NCR1: variants seen among roughly 807,000 people sequenced by gnomAD.
NCR1 encodes natural cytotoxicity triggering receptor 1.
A neutral mutation model predicts 32.5 loss-of-function variants in NCR1; 30 were observed. The ratio of observed to expected loss-of-function variants is 0.92; its 90% CI spans 0.69 to 1.25. NCR1 has a LOEUF of 1.25. Ranked by LOEUF, NCR1 falls within the 50% of genes most tolerant of loss-of-function variation. The pLI is 0.00. For synonymous variants in NCR1, 169 were observed against 143.4 expected (o/e 1.18, Z -1.28); for missense variants, 369 against 380.7 (o/e 0.97, Z 0.26).
upstream of NCR1, among the ~76,000 whole-genome samples, chr19:54,904,136 AAAAAAAAG>A (rs2067390086): frequency 7.0e-6 from 1 of 141,960 alleles, no homozygotes; most frequent in Non-Finnish European, 1.5e-5. Flanking sequence ...AAAAAAAAAA[AAAAAAAAG>A]AAAGAAAAAG....
the NCR1 span, among the ~76,000 whole-genome samples, chr19:54,899,260 G>C: frequency 6.6e-6 from 1 of 152,138 alleles, no homozygotes; most frequent in Non-Finnish European, 1.5e-5. Context: ...GTTTGTATTG[G>C]GGTCAAGCAG....
chr19:54,910,206 AT>A, intron 5 of NCR1, 141 bp downstream of exon 5: 1 of 766,192 alleles, frequency 1.3e-6, no homozygotes, highest in Non-Finnish European at 2.2e-6. Flanking sequence ...GGAGGCCGAG[AT>A]GGTGCATCAT....
chr19:54,929,028 C>G, the NCR1 span, among the ~76,000 whole-genome samples: 1 of 152,092 alleles, frequency 6.6e-6, no homozygotes, highest in Non-Finnish European at 1.5e-5. Context: ...ATAAAGGTAT[C>G]ACGGTCTGGC....
chr19:54,936,569 C>A, the NCR1 span: 1 of 770,360 alleles, frequency 1.3e-6, no homozygotes, highest in Non-Finnish European at 2.2e-6. Flanking sequence ...TGTCTGTAAC[C>A]CCAGCACTTT....
chr19:54,924,892 G>A, the NCR1 span, among the ~76,000 whole-genome samples: 56 of 152,232 alleles, frequency 3.7e-4, 1 homozygote, highest in Admixed American at 9.2e-4. Context: ...AGCCAATACC[G>A]CACCACTGTA....
At chr19:54,934,642 G>C in the NCR1 span, 1 of 1,613,472 alleles carries the variant, frequency 6.2e-7, no homozygotes, top group East Asian at 2.2e-5. This position sits in a 1 kb window ranked among gnomAD's most constrained non-coding sequence, Gnocchi z 6.7. Flanking sequence ...CTCCGGGGTG[G>C]CACAGTGACC....
At chr19:54,903,432 A>ACGCATACATGTATGTATACG (rs2067356762), upstream of NCR1, among the ~76,000 whole-genome samples, 2 of 132,734 alleles carry the variant, frequency 1.5e-5, no homozygotes, top group African/African-American at 5.6e-5. Flanking sequence ...GTATGTATAC[A>ACGCATACATGTATGTATACG]CGCATACATG....
the NCR1 span, among the ~76,000 whole-genome samples, chr19:54,901,029 A>T: frequency 3.3e-5 from 5 of 151,398 alleles, no homozygotes; most frequent in Non-Finnish European, 5.9e-5. Context: ...TCACGCCTGT[A>T]ATCCCAGCAC....
At chr19:54,924,771 A>C in the NCR1 span, among the ~76,000 whole-genome samples, 1 of 152,094 alleles carries the variant, frequency 6.6e-6, no homozygotes, top group Non-Finnish European at 1.5e-5. Flanking sequence ...CCCCGTCTCT[A>C]CTAAAAATAC....
At chr19:54,903,457 T>C (rs369089271), upstream of NCR1, among the ~76,000 whole-genome samples, 38 of 112,916 alleles carry the variant, frequency 3.4e-4, no homozygotes, top group South Asian at 3.0e-3. Context: ...TATATACATA[T>C]ATGTATGTAT....
downstream of NCR1, among the ~76,000 whole-genome samples, chr19:54,914,164 C>CT (rs533441878): frequency 0.021 from 2,546 of 123,902 alleles, 44 homozygotes; most frequent in Non-Finnish European, 0.03. Context: ...TCTTCTCTTC[C>CT]TTTTTTTTTT....
chr19:54,912,548 G>A (rs1001675408), intron 6 of NCR1, 142 bp from the exon 7 acceptor site: 4 of 678,358 alleles, frequency 5.9e-6, no homozygotes, highest in South Asian at 4.3e-5. Context: ...GCAGTGAGCC[G>A]AGATCGTGCC....
the NCR1 span, among the ~76,000 whole-genome samples, chr19:54,935,238 T>C: frequency 1.3e-5 from 2 of 151,452 alleles, no homozygotes; most frequent in South Asian, 2.1e-4. Flanking sequence ...GAAAAAAAAA[T>C]TTTTTTTTTG....
upstream of NCR1, among the ~76,000 whole-genome samples, chr19:54,903,354 A>ATACGTATATG: frequency 8.4e-6 from 1 of 119,020 alleles, no homozygotes; most frequent in Non-Finnish European, 1.7e-5. Flanking sequence ...ATATATGCAT[A>ATACGTATATG]TATACATACA....
At chr19:54,927,886 G>T in the NCR1 span, 1 of 896,084 alleles carries the variant, frequency 1.1e-6, no homozygotes, top group Non-Finnish European at 1.9e-6. Context: ...GAGGCCAGGT[G>T]TTCGAGACCA....
chr19:54,912,255 G>A, intron 6 of NCR1, 37 bp downstream of exon 6: 1 of 1,596,664 alleles, frequency 6.3e-7, no homozygotes, highest in Non-Finnish European at 8.6e-7. Flanking sequence ...TCTGAAGGAA[G>A]GGGCTGGGCA....
intron 5 of NCR1, among the ~76,000 whole-genome samples, chr19:54,911,074 C>T (rs1012631651): frequency 6.6e-5 from 10 of 151,842 alleles, no homozygotes; most frequent in African/African-American, 9.7e-5. Context: ...AGGCCCGGCG[C>T]GGTGGCTCAC....
intron 5 of NCR1, among the ~76,000 whole-genome samples, chr19:54,911,621 G>A (rs979037675): frequency 3.3e-5 from 5 of 152,012 alleles, no homozygotes; most frequent in Non-Finnish European, 7.4e-5. Flanking sequence ...GTGTGGTGGC[G>A]CACGCCAGTA....
At chr19:54,916,697 GTTCTA>G (rs2068141704), downstream of NCR1, among the ~76,000 whole-genome samples, 1 of 112,418 alleles carries the variant, frequency 8.9e-6, no homozygotes, top group Non-Finnish European at 1.8e-5. Flanking sequence ...GAGATCAACT[GTTCTA>G]TTTTTTTTTT....
Sources: gnomAD v4.1 joint callset for allele counts (sites outside exome capture counted in the v4.1 genomes callset) on GRCh38, gnomAD v4.1.1 for gene constraint, Gnocchi (gnomAD v3.1) non-coding constraint, MANE v1.5 for transcripts, NCBI Gene and HGNC (gene_info 2026-07-23, HGNC 2026-07-21) for gene names.